JPH3: variants seen among roughly 807,000 people sequenced by gnomAD.
The protein encoded by JPH3 is junctophilin 3.
In JPH3, 11 loss-of-function variants were observed where a neutral mutation model predicts 59.6. That is an observed-to-expected ratio of 0.18 (90% confidence interval 0.12 to 0.31). The LOEUF is 0.31. Among genes scored for constraint, JPH3 ranks in the 10% least tolerant of loss-of-function variants. The pLI is 1.00. For synonymous variants in JPH3, 673 were observed against 483.6 expected (o/e 1.39, Z -5.14); for missense variants, 1,202 against 1,105.7 (o/e 1.09, Z -1.24).
intron 2 of JPH3, among the ~76,000 whole-genome samples, chr16:87,650,410 C>T (rs1170608197): frequency 6.6e-6 from 1 of 152,174 alleles, no homozygotes; most frequent in African/African-American, 2.4e-5. Flanking sequence ...TTCCCTGAGA[C>T]ACAACAGTAT....
intron 2 of JPH3, among the ~76,000 whole-genome samples, chr16:87,665,461 T>C (rs2032832048): frequency 6.6e-6 from 1 of 152,202 alleles, no homozygotes; most frequent in Non-Finnish European, 1.5e-5. Flanking sequence ...GAGTAATCTT[T>C]GGAGAATCGT....
chr16:87,660,912 A>G (rs2032681054), intron 2 of JPH3, among the ~76,000 whole-genome samples: 1 of 152,218 alleles, frequency 6.6e-6, no homozygotes, highest in Admixed American at 6.5e-5. Context: ...TCATCTGTCC[A>G]GTGGAATGAC....
intron 2 of JPH3, among the ~76,000 whole-genome samples, chr16:87,670,077 T>C (rs1459254706): frequency 6.6e-6 from 1 of 152,066 alleles, no homozygotes; most frequent in African/African-American, 2.4e-5. Flanking sequence ...ACGGTGCCCT[T>C]GAGGCAGCTG....
At chr16:87,623,166 C>T (rs777480041) in intron 1 of JPH3, among the ~76,000 whole-genome samples, 1 of 152,236 alleles carries the variant, frequency 6.6e-6, no homozygotes, top group Non-Finnish European at 1.5e-5. Context: ...GGGCCAAGCT[C>T]TCGTCCTGGT....
At chr16:87,691,118 G>A (rs2033561890) in intron 4 of JPH3, among the ~76,000 whole-genome samples, 1 of 151,700 alleles carries the variant, frequency 6.6e-6, no homozygotes, top group Non-Finnish European at 1.5e-5. Flanking sequence ...TCCAGGGCAG[G>A]CAGCTTGGAG....
chr16:87,659,710 G>T (rs1438868464), intron 2 of JPH3, among the ~76,000 whole-genome samples: 1 of 151,882 alleles, frequency 6.6e-6, no homozygotes, highest in East Asian at 1.9e-4. Flanking sequence ...TCCAGCCTGG[G>T]CAACAAAGCA....
chr16:87,657,227 T>TA lies in JPH3; in HGVS notation c.1160+12199dup, dbSNP rs897544351. On this transcript the variant is annotated intron_variant, in intron 2 of 4. Transcript: ENST00000284262. ...AGGAGGAGGCCAAACTGACCAGACCTAAAAAAACAGTATCTTAAGGTCTGA... is the reference window on the plus strand; with the variant it reads ...AGGAGGAGGCCAAACTGACCAGACCTAAAAAAAACAGTATCTTAAGGTCTGA... Among the ~76,000 whole-genome samples the TA allele has an allele frequency of 3.9e-4, 60 of 152,180 alleles. 1 individual carries two copies. Among genetic ancestry groups the TA allele is most frequent in the African/African-American group, 1.3e-3 (55 of 41,534 alleles).
intron 2 of JPH3, among the ~76,000 whole-genome samples, chr16:87,650,738 C>G (rs907808118): frequency 6.6e-6 from 1 of 152,174 alleles, no homozygotes; most frequent in African/African-American, 2.4e-5. Context: ...CAGAGCAAGG[C>G]TCAACTCTAA....
chr16:87,644,210 C>A, intron 1 of JPH3, 48 bp from the exon 2 acceptor site: 1 of 1,551,192 alleles, frequency 6.4e-7, no homozygotes, highest in Non-Finnish European at 8.7e-7. Flanking sequence ...CAGGCTGTGC[C>A]CCCTCCTCTG....
In JPH3 at chr16:87,697,363, CCACT is replaced by C. The variant is rs1365584637; in HGVS notation, c.*708_*711del. ...AAGCAAAGCCCTTTTCTTCTGCTGC[CCACT>C]CACTGTGGGTCCCATTCGGCTGTTT... On this transcript the variant is annotated 3_prime_UTR_variant, in exon 5 of 5. Coordinates refer to ENST00000284262, the MANE Select transcript of JPH3 (RefSeq NM_020655.4). 1 of 152,468 alleles carries C rather than the reference CCACT, an allele frequency of 6.6e-6. No homozygotes were observed. Among genetic ancestry groups the C allele is most frequent in the Non-Finnish European group, 1.5e-5 (1 of 68,224 alleles). 9.4% of individuals were successfully genotyped at this position (152,468 alleles called of 1,614,324 possible).
chr16:87,615,184 G>A (rs1378757292), intron 1 of JPH3, among the ~76,000 whole-genome samples: 1 of 152,240 alleles, frequency 6.6e-6, no homozygotes, highest in African/African-American at 2.4e-5. Context: ...CCCCAGATAA[G>A]AACCTGTCCA....
chr16:87,633,823 G>C (rs1164620376), intron 1 of JPH3, among the ~76,000 whole-genome samples: 1 of 152,014 alleles, frequency 6.6e-6, no homozygotes, highest in African/African-American at 2.4e-5. Flanking sequence ...TCTGGTGTTG[G>C]TAGTAACGAT....
At chr16:87,659,399 G>GAAA (rs2032627662) in intron 2 of JPH3, among the ~76,000 whole-genome samples, 1 of 65,440 alleles carries the variant, frequency 1.5e-5, no homozygotes, top group Non-Finnish European at 2.9e-5. Flanking sequence ...AAAAAAAAAA[G>GAAA]AAAACTACAC....
intron 1 of JPH3, among the ~76,000 whole-genome samples, chr16:87,616,894 T>A (rs1211748369): frequency 1.3e-5 from 2 of 152,234 alleles, no homozygotes; most frequent in Non-Finnish European, 2.9e-5. Flanking sequence ...TCACTCAGCC[T>A]CATTTGCTGG....
rs1567584970 is a variant in JPH3, at chr16:87,620,470, GA to G, written c.382+16944del. ...AGAGAGAGAAGGAGAGAGAGGGAGAGAAGGAGAGAAGAGAGGGAGAGGGGGA... is the reference window on the plus strand; with the variant it reads ...AGAGAGAGAAGGAGAGAGAGGGAGAGAGGAGAGAAGAGAGGGAGAGGGGGA... On this transcript the variant is annotated intron_variant, in intron 1 of 4. Transcript: ENST00000284262. Among the ~76,000 whole-genome samples, 9 of 134,222 alleles carry G rather than the reference GA, an allele frequency of 6.7e-5. No homozygotes were observed. The East Asian group carries it at 1.8e-3, about 27-fold the overall frequency. The allele number at this position is 134,222 out of a possible 152,430, so 88.1% of individuals were successfully genotyped here. A position where few individuals can be genotyped will look rare whatever the true frequency, so the allele number is the denominator to read the frequency against.
chr16:87,614,199 G>A (rs970315100), intron 1 of JPH3, among the ~76,000 whole-genome samples: 2 of 152,100 alleles, frequency 1.3e-5, no homozygotes, highest in African/African-American at 4.8e-5. Context: ...ACGAGGAGCC[G>A]CGTGTCCCCT....
rs191346659 is a variant in JPH3 at position 87,663,379 on chromosome 16, A to G, written c.1160+18344A>G. On this transcript the variant is annotated intron_variant, in intron 2 of 4. Coordinates refer to ENST00000284262, the MANE Select transcript of JPH3 (RefSeq NM_020655.4). ...TGCCTTGGCCTCCCAAACTACTGGGATTATAGGCATGTGCCACTGTGCCTG... is the reference window on the plus strand; with the variant it reads ...TGCCTTGGCCTCCCAAACTACTGGGGTTATAGGCATGTGCCACTGTGCCTG... 2.0e-4 allele frequency among the ~76,000 whole-genome samples: 30 copies of G among 152,284 alleles called. 1 individual carries two copies. The highest frequency in any genetic ancestry group is 7.0e-4 in the African/African-American group (29 of 41,538).
chr16:87,661,832 A>T (rs1315666380), intron 2 of JPH3, among the ~76,000 whole-genome samples: 1 of 152,148 alleles, frequency 6.6e-6, no homozygotes, highest in Non-Finnish European at 1.5e-5. Context: ...GCAACTCAGC[A>T]TTTCCCCAAT....
chr16:87,657,819 G>A (rs988541145), intron 2 of JPH3, among the ~76,000 whole-genome samples: 1 of 152,168 alleles, frequency 6.6e-6, no homozygotes, highest in Non-Finnish European at 1.5e-5. Context: ...TCGGTTACGT[G>A]ACCACACCTA....
Sources: gnomAD v4.1 joint callset for allele counts (sites outside exome capture counted in the v4.1 genomes callset) on GRCh38, gnomAD v4.1.1 for gene constraint, MANE v1.5 for transcripts, NCBI Gene and HGNC (gene_info 2026-07-23, HGNC 2026-07-21) for gene names.